Variants in ASB11 observed in about 807,000 individuals in gnomAD.
The protein encoded by ASB11 is ankyrin repeat and SOCS box protein 11.
ASB11 carries 17 observed loss-of-function variants against 20.1 expected under a neutral mutation model. The ratio of observed to expected loss-of-function variants is 0.85; its 90% CI spans 0.58 to 1.27. The LOEUF (loss-of-function observed/expected upper bound fraction) is 1.27, where lower values mean the gene tolerates loss of function less well. Among genes scored for constraint, ASB11 ranks in the 50% most tolerant of loss-of-function variants. The pLI, the probability that ASB11 is intolerant of heterozygous loss-of-function variation, is 0.00. For synonymous variants in ASB11, 107 were observed against 105.6 expected (o/e 1.01, Z -0.08); for missense variants, 259 against 256.9 (o/e 1.01, Z -0.06).
At position 15,287,977 on chromosome X, in the gene ASB11, C is replaced by A. The variant is rs1297592916; in HGVS notation, c.751G>T (p.Gly251Ter). The A allele has an allele frequency of 2.5e-6, 3 of 1,210,627 alleles. No individual in the cohort carries two copies. Among genetic ancestry groups the A allele is most frequent in the Non-Finnish European group, 3.4e-6 (3 of 895,420 alleles). Reference sequence around the variant, plus strand: ...GCATTTCTACGCTTCAGGTTAGCTCCATAGTCGGTTAGCAGGTGGATGACC... The same window carrying A: ...GCATTTCTACGCTTCAGGTTAGCTCAATAGTCGGTTAGCAGGTGGATGACC... ...VEVIHLLTDY[G>*]ANLKRRNAQG... is the part of the protein sequence containing the mutation. Residue 251 changes from glycine (G) to a stop codon, truncating the protein, a stop_gained, in exon 6 of 7, where the codon GGA becomes TGA. Coordinates refer to ENST00000480796, the MANE Select transcript of ASB11 (RefSeq NM_080873.3). LOFTEE classifies it high-confidence loss of function.
intron 4 of ASB11, 38 bp from the exon 5 acceptor site, chrX:15,289,676 C>T: frequency 1.7e-6 from 2 of 1,172,704 alleles, no homozygotes; most frequent in Non-Finnish European, 2.3e-6. Flanking sequence ...AAGTAAGGGA[C>T]ATATTAAATA....
intron 1 of ASB11, among the ~76,000 whole-genome samples, chrX:15,309,982 A>AAAAAAAAAAG (rs1921376901): frequency 9.6e-6 from 1 of 103,717 alleles, no homozygotes; most frequent in Admixed American, 1.0e-4. Flanking sequence ...AAAAAAAAAA[A>AAAAAAAAAAG]AAAAAAAAAG....
At chrX:15,291,454 C>T (rs1569169748) in intron 4 of ASB11, among the ~76,000 whole-genome samples, 1 of 111,563 alleles carries the variant, frequency 9.0e-6, no homozygotes, top group Non-Finnish European at 1.9e-5. Context: ...TTTTGTAATA[C>T]CAGCACTTTG....
chrX:15,300,213 G>A (rs1921022647), intron 2 of ASB11, among the ~76,000 whole-genome samples: 1 of 112,403 alleles, frequency 8.9e-6, no homozygotes, highest in African/African-American at 3.2e-5. Flanking sequence ...GAAATGTGAT[G>A]CTGGAAAGGC....
chrX:15,285,310 T>G (rs1927351864), intron 6 of ASB11, among the ~76,000 whole-genome samples: 1 of 109,326 alleles, frequency 9.1e-6, no homozygotes, highest in Non-Finnish European at 1.9e-5. Context: ...CCAGCTAATT[T>G]TTGTATTTTT....
Position 15,293,221 on chromosome X carries a change from C to T in ASB11, c.469G>A (p.Ala157Thr), listed in dbSNP as rs752422276. ...GAGGCCAGGTGCACCTCCAACTGGG[C>T]CTTGGCTCCGAACTCCAGCAGCACA... ...VNVLLEFGAK[A>T]QLEVHLASPI... The change falls in exon 4 of 7, where the codon GCC (alanine) becomes ACC (threonine). Residue 157 changes from alanine to threonine, a missense_variant. Ala to Thr is a moderately conservative substitution (Grantham distance 58). Coordinates refer to ENST00000480796, the MANE Select transcript of ASB11 (RefSeq NM_080873.3). 1 of 1,210,112 alleles carries T rather than the reference C, an allele frequency of 8.3e-7. No individual in the cohort carries two copies. The highest frequency in any genetic ancestry group is 3.0e-5 in the East Asian group (1 of 33,767).
In ASB11 at chrX:15,283,979, A is replaced by G. The variant is rs181909481; in HGVS notation, c.848-350T>C. Among the ~76,000 whole-genome samples the G allele has an allele frequency of 4.4e-3, 489 of 111,310 alleles. 8 individuals are homozygous for G. Among genetic ancestry groups the G allele is most frequent in the Admixed American group, 0.035 (365 of 10,400 alleles). ...ATGAAAGTGATACACGGGGCCAGGC[A>G]CGGTGGCTCACGCCTGTAATCCCAG... On this transcript the variant is annotated intron_variant, in intron 6 of 6. Coordinates refer to ENST00000480796, the MANE Select transcript of ASB11 (RefSeq NM_080873.3).
At chrX:15,296,806 T>C (rs1258634684) in intron 3 of ASB11, among the ~76,000 whole-genome samples, 1 of 111,715 alleles carries the variant, frequency 9.0e-6, no homozygotes, top group Non-Finnish European at 1.9e-5. Flanking sequence ...GGGAACAGTT[T>C]GGAGGTTCAT....
intron 6 of ASB11, among the ~76,000 whole-genome samples, chrX:15,286,092 C>T (rs866748249): frequency 9.0e-6 from 1 of 111,113 alleles, no homozygotes; most frequent in African/African-American, 3.3e-5. Context: ...ATCAACATCA[C>T]GTGGGAGCCT....
intron 1 of ASB11, among the ~76,000 whole-genome samples, chrX:15,307,448 C>T (rs6632267): frequency 0.33 from 36,895 of 111,421 alleles, 4,603 homozygotes; most frequent in South Asian, 0.57. Flanking sequence ...ATTAGATTCT[C>T]ATAAAGAGAA....
chrX:15,308,088 G>A (rs761297306), intron 1 of ASB11, among the ~76,000 whole-genome samples: 2 of 111,703 alleles, frequency 1.8e-5, no homozygotes, highest in Admixed American at 9.5e-5. Flanking sequence ...CTTGGGAGTG[G>A]GGAGAAACAA....
chrX:15,305,083 C>T (rs1396779999), intron 1 of ASB11, among the ~76,000 whole-genome samples: 1 of 111,439 alleles, frequency 9.0e-6, no homozygotes, highest in African/African-American at 3.3e-5. Flanking sequence ...AACTCATCTC[C>T]CTGCAAAATA....
At position 15,288,040 on chromosome X, in the gene ASB11, T is replaced by C; in HGVS notation, c.688A>G (p.Thr230Ala). ...ASVDHGQWLD[T>A]PLHAAARQSN... ...TGCCTCGCTGCAGCATGGAGTGGGG[T>C]GTCCAGCCACTGGCCATGGTCGACA... is the stretch of plus-strand genomic sequence containing the variant. The change falls in exon 6 of 7, where the codon ACC becomes GCC. Residue 230 changes from threonine to alanine, a missense_variant. Coordinates refer to ENST00000480796, the MANE Select transcript of ASB11 (RefSeq NM_080873.3). The C allele has an allele frequency of 1.7e-6, 2 of 1,210,188 alleles. No individual in the cohort carries two copies. The highest frequency in any genetic ancestry group is 3.5e-5 in the African/African-American group (2 of 57,799).
chrX:15,309,516 G>A (rs1269139359), intron 1 of ASB11, among the ~76,000 whole-genome samples: 5 of 110,439 alleles, frequency 4.5e-5, no homozygotes, highest in Non-Finnish European at 9.5e-5. Flanking sequence ...CAAATAAAGT[G>A]CACAATAAAT....
At chrX:15,284,247 G>A (rs5978723) in intron 6 of ASB11, among the ~76,000 whole-genome samples, 32 of 74,369 alleles carry the variant, frequency 4.3e-4, no homozygotes, top group African/African-American at 1.9e-3. Flanking sequence ...GCGAGACTCC[G>A]CCTCAAAAAA....
chrX:15,307,168 T>C (rs1392153741), intron 1 of ASB11, among the ~76,000 whole-genome samples: 1 of 112,943 alleles, frequency 8.9e-6, no homozygotes, highest in East Asian at 2.8e-4. Context: ...TGGGCTGTGG[T>C]GATCCTCATT....
rs764279966 is a variant in ASB11, at chrX:15,287,937, G to T, written c.791C>A (p.Ala264Glu). ...GCTTTTTGGAGCCGCCAGATCAAGC[G>T]CACTTTTGCCCTGAGCATTTCTACG... ...LKRRNAQGKS[A>E]LDLAAPKSSV... is the part of the protein sequence containing the mutation. Residue 264 changes from alanine to glutamate, a missense_variant, in exon 6 of 7, where the codon GCG (alanine) becomes GAG (glutamate). Transcript: ENST00000480796. 197 of 1,210,017 alleles carry T rather than the reference G, an allele frequency of 1.6e-4. No homozygotes were observed. Among genetic ancestry groups the T allele is most frequent in the Non-Finnish European group, 2.2e-4 (193 of 895,005 alleles).
chrX:15,286,704 G>T (rs1391230932), intron 6 of ASB11, among the ~76,000 whole-genome samples: 1 of 104,617 alleles, frequency 9.6e-6, no homozygotes, highest in Non-Finnish European at 1.9e-5. Flanking sequence ...TCTGGGGTCA[G>T]ATGGCTCAGA....
chrX:15,308,676 A>G (rs1275743641), intron 1 of ASB11, among the ~76,000 whole-genome samples: 3 of 112,219 alleles, frequency 2.7e-5, no homozygotes, highest in Non-Finnish European at 5.6e-5. Context: ...GCTAGGAAGT[A>G]TCAGAAATAG....
Sources: allele counts gnomAD v4.1 joint callset (sites outside exome capture counted in the v4.1 genomes callset), GRCh38; gene constraint gnomAD v4.1.1; transcripts MANE v1.5; gene names NCBI Gene and HGNC (gene_info 2026-07-23, HGNC 2026-07-21).